PRKG1: variants seen among roughly 807,000 people sequenced by gnomAD.
The protein encoded by PRKG1 is cGMP-dependent protein kinase 1.
In PRKG1, 35 loss-of-function variants were observed where a neutral mutation model predicts 88.1. The observed-to-expected ratio is 0.40, with a 90% CI of 0.30 to 0.53. The LOEUF (loss-of-function observed/expected upper bound fraction) is 0.53, where lower values mean the gene tolerates loss of function less well. Ranked by LOEUF, PRKG1 falls within the 20% of genes least tolerant of loss-of-function variation. PRKG1 has a pLI of 0.59. For missense variants in PRKG1, 540 were observed against 839.8 expected (o/e 0.64, Z 4.41); for synonymous variants, 303 against 292.5 (o/e 1.04, Z -0.37).
intron 5 of PRKG1, among the ~76,000 whole-genome samples, chr10:52,007,246 A>T (rs1844760630): frequency 6.6e-6 from 1 of 152,196 alleles, no homozygotes; most frequent in South Asian, 2.1e-4. Context: ...AACTACCATC[A>T]CAATGACAGG....
intron 5 of PRKG1, among the ~76,000 whole-genome samples, chr10:51,999,196 C>T (rs1027174425): frequency 6.6e-6 from 1 of 152,208 alleles, no homozygotes; most frequent in Non-Finnish European, 1.5e-5. Context: ...AGCTAAATCT[C>T]AGTTATGAAT....
In PRKG1 at chr10:52,179,281, A is replaced by T. The variant is rs578216425; in HGVS notation, c.1076+17318A>T. 3.9e-5 allele frequency among the ~76,000 whole-genome samples: 6 copies of T among 152,192 alleles called. No individual in the cohort carries two copies. The East Asian group carries it at 9.7e-4, about 25-fold the overall frequency. On this transcript the variant is annotated intron_variant, in intron 9 of 17. Coordinates refer to ENST00000373980, the MANE Select transcript of PRKG1 (RefSeq NM_006258.4). ...TTCTTCTAAGGCCAGTCTACTAGTG[A>T]TGAATTCCCTTAGCTTTTGCTTGTT...
chr10:52,212,170 G>A (rs1347560818), intron 9 of PRKG1, among the ~76,000 whole-genome samples: 1 of 152,134 alleles, frequency 6.6e-6, no homozygotes, highest in Non-Finnish European at 1.5e-5. Flanking sequence ...AAAGGAAAAT[G>A]AAGTACAAAA....
chr10:51,386,606 A>T (rs1197916991), intron 2 of PRKG1, among the ~76,000 whole-genome samples: 3 of 152,126 alleles, frequency 2.0e-5, no homozygotes, highest in African/African-American at 7.2e-5. Context: ...TATTTAATTG[A>T]TTGGATCAAG....
intron 3 of PRKG1, among the ~76,000 whole-genome samples, chr10:51,735,724 T>A (rs1193326715): frequency 6.6e-6 from 1 of 151,868 alleles, no homozygotes; most frequent in Non-Finnish European, 1.5e-5. Flanking sequence ...TAAATAGTTG[T>A]TATACTGCAT....
intron 2 of PRKG1, among the ~76,000 whole-genome samples, chr10:51,413,188 G>C (rs926679668): frequency 6.6e-6 from 1 of 152,084 alleles, no homozygotes; most frequent in African/African-American, 2.4e-5. Flanking sequence ...GCATCTTGAA[G>C]AGTTTTTTGT....
intron 2 of PRKG1, among the ~76,000 whole-genome samples, chr10:51,464,068 G>A (rs761417805): frequency 1.8e-4 from 28 of 152,066 alleles, no homozygotes; most frequent in Non-Finnish European, 2.9e-4. Flanking sequence ...TCAGGAGATC[G>A]AGACCGTCTT....
intron 2 of PRKG1, among the ~76,000 whole-genome samples, chr10:51,380,667 G>A (rs1027948691): frequency 3.9e-5 from 6 of 152,114 alleles, no homozygotes; most frequent in Non-Finnish European, 8.8e-5. Context: ...CAGCCAGCTT[G>A]TGGATGTAAC....
chr10:52,227,948 C>CTT (rs1216335232), intron 9 of PRKG1, among the ~76,000 whole-genome samples: 1 of 152,164 alleles, frequency 6.6e-6, no homozygotes, highest in Non-Finnish European at 1.5e-5. Flanking sequence ...TTTCAGATCT[C>CTT]TTTCCCTTTC....
At chr10:51,141,328 C>T (rs150880516) in intron 1 of PRKG1, among the ~76,000 whole-genome samples, 44 of 152,282 alleles carry the variant, frequency 2.9e-4, no homozygotes, top group African/African-American at 1.0e-3. Flanking sequence ...TATTGCTTCT[C>T]TGTTTCTTTT....
intron 9 of PRKG1, among the ~76,000 whole-genome samples, chr10:52,203,709 T>A (rs150205596): frequency 1.3e-5 from 2 of 152,364 alleles, no homozygotes; most frequent in African/African-American, 4.8e-5. Flanking sequence ...ATTGGATGCA[T>A]GTATATTTAG....
At chr10:51,431,508 TG>T (rs1838769291) in intron 2 of PRKG1, among the ~76,000 whole-genome samples, 5 of 152,292 alleles carry the variant, frequency 3.3e-5, no homozygotes, top group Admixed American at 3.3e-4. Flanking sequence ...GGAAGAATAT[TG>T]GCTTGCTGGG....
chr10:52,292,756 T>C (rs1278020844), intron 17 of PRKG1, among the ~76,000 whole-genome samples: 1 of 151,992 alleles, frequency 6.6e-6, no homozygotes, highest in Non-Finnish European at 1.5e-5. Context: ...TGATGGGACA[T>C]ATCTCAAAAT....
chr10:51,280,598 G>C lies in PRKG1; in HGVS notation c.478+127268G>C, dbSNP rs182032182. Among the ~76,000 whole-genome samples, 600 of 150,910 alleles carry C rather than the reference G, an allele frequency of 4.0e-3. 5 individuals carry two copies. Among genetic ancestry groups the C allele is most frequent in the African/African-American group, 0.014 (576 of 41,324 alleles). ...TTACTCTTTTTTCTCTAAACTTCTC[G>C]CTTCATTTCATTCATTTGATCTTCC... On this transcript the variant is annotated intron_variant, in intron 2 of 17. Transcript: ENST00000373980.
chr10:52,191,479 AGAAACT>A (rs1839364160), intron 9 of PRKG1, among the ~76,000 whole-genome samples: 1 of 152,116 alleles, frequency 6.6e-6, no homozygotes, highest in Non-Finnish European at 1.5e-5. Context: ...GGGTTGTTAA[AGAAACT>A]GAATCATTTG....
intron 2 of PRKG1, among the ~76,000 whole-genome samples, chr10:51,199,311 A>G (rs1298628114): frequency 1.3e-5 from 2 of 152,196 alleles, no homozygotes; most frequent in Non-Finnish European, 2.9e-5. Flanking sequence ...AAATATAACC[A>G]TGTGTTCTTC....
chr10:52,023,000 G>T (rs1441240400), intron 5 of PRKG1, among the ~76,000 whole-genome samples: 2 of 151,940 alleles, frequency 1.3e-5, no homozygotes, highest in African/African-American at 2.4e-5. Flanking sequence ...ACGTGCCAAG[G>T]TGGTTTGCTG....
intron 2 of PRKG1, among the ~76,000 whole-genome samples, chr10:51,338,072 T>G (rs1049630107): frequency 1.3e-5 from 2 of 151,370 alleles, no homozygotes; most frequent in South Asian, 4.2e-4. Context: ...TGCAGCCATA[T>G]GGAGCTAGCA....
chr10:51,499,333 G>A (rs548324276), intron 3 of PRKG1, among the ~76,000 whole-genome samples: 2 of 152,150 alleles, frequency 1.3e-5, no homozygotes, highest in East Asian at 1.9e-4. Flanking sequence ...TAACTAGAAG[G>A]CACTCTCAAA....
Sources: gnomAD v4.1 joint callset for allele counts (sites outside exome capture counted in the v4.1 genomes callset) on GRCh38, gnomAD v4.1.1 for gene constraint, MANE v1.5 for transcripts, NCBI Gene and HGNC (gene_info 2026-07-23, HGNC 2026-07-21) for gene names.